The following C3orf20 variants were observed in gnomAD, a reference collection of about 807,000 sequenced individuals.
C3orf20 encodes family with sequence similarity 149 member C, also known as uncharacterized protein C3orf20.
A neutral mutation model predicts 88.3 loss-of-function variants in C3orf20; 76 were observed. The observed-to-expected ratio is 0.86, with a 90% CI of 0.72 to 1.04. The LOEUF (loss-of-function observed/expected upper bound fraction) is 1.04, where lower values mean the gene tolerates loss of function less well. Among genes scored for constraint, C3orf20 ranks in the 50% least tolerant of loss-of-function variants. C3orf20 has a pLI of 0.00. For missense variants in C3orf20, 1,056 were observed against 1,123.3 expected, an observed-to-expected ratio of 0.94 and a Z score of 0.86; for synonymous variants, 436 against 437.4, an observed-to-expected ratio of 1.00 and a Z score of 0.04.
chr3:14,710,151 A>C (rs7644603), intron 7 of C3orf20, among the ~76,000 whole-genome samples: 2 of 151,550 alleles, frequency 1.3e-5, no homozygotes, highest in Non-Finnish European at 2.9e-5. Flanking sequence ...TATGGTGTAC[A>C]GCTATTCATA....
chr3:14,724,629 T>C (rs1273666212), intron 10 of C3orf20, among the ~76,000 whole-genome samples: 2 of 152,366 alleles, frequency 1.3e-5, no homozygotes, highest in South Asian at 2.1e-4. Flanking sequence ...TTAGTGTGAA[T>C]TGAGAATGTA....
intron 1 of C3orf20, among the ~76,000 whole-genome samples, chr3:14,678,970 G>A (rs6442467): frequency 0.83 from 125,884 of 152,154 alleles, 52,870 homozygotes; most frequent in Non-Finnish European, 0.91. Flanking sequence ...TTCATCTGCT[G>A]CTCTCCCACG....
intron 7 of C3orf20, among the ~76,000 whole-genome samples, chr3:14,713,762 G>A (rs1314037118): frequency 6.6e-6 from 1 of 152,198 alleles, no homozygotes; most frequent in South Asian, 2.1e-4. Context: ...ATCTGTGAGA[G>A]GAAGATAATA....
At chr3:14,763,790 T>C (rs566775281) in intron 15 of C3orf20, among the ~76,000 whole-genome samples, 1 of 152,236 alleles carries the variant, frequency 6.6e-6, no homozygotes, top group South Asian at 2.1e-4. Context: ...AGTCAGCACA[T>C]GGGAAGTGCT....
chr3:14,686,925 T>C (rs1041340152), intron 4 of C3orf20, among the ~76,000 whole-genome samples: 26 of 152,320 alleles, frequency 1.7e-4, no homozygotes, highest in Admixed American at 9.1e-4. Context: ...ACACATACAG[T>C]GCAAATAAAT....
chr3:14,680,067 A>C (rs1425329975), intron 1 of C3orf20, among the ~76,000 whole-genome samples: 1 of 152,202 alleles, frequency 6.6e-6, no homozygotes, highest in Non-Finnish European at 1.5e-5. Flanking sequence ...CACTGGTGGG[A>C]CTGTGAAATG....
chr3:14,684,936 C>T (rs985272996), intron 4 of C3orf20, among the ~76,000 whole-genome samples: 1 of 152,182 alleles, frequency 6.6e-6, no homozygotes, highest in African/African-American at 2.4e-5. Context: ...GTAATCCCAG[C>T]ACTTTGGGAG....
At position 14,704,541 on chromosome 3, in the gene C3orf20, G is replaced by A; in HGVS notation, c.1083G>A (p.Gln361=). Residue 361 remains glutamine (Q), a synonymous_variant, in exon 7 of 17, where the codon CAG becomes CAA. Transcript: ENST00000253697. ...CTTCTGCCAACCATCATTTCAGTCA[G>A]CATTGTCAAGAGGGGAAGGCACCCA... ...HPSSANHHFS[Q]HCQEGKAPKK... 1 of 1,614,072 alleles carries A rather than the reference G, an allele frequency of 6.2e-7. No homozygotes were observed.
In C3orf20 at chr3:14,772,160, G is replaced by A. The variant is rs1245956835; in HGVS notation, c.2589G>A (p.Leu863=). Residue 863 remains leucine, a synonymous_variant, in exon 16 of 17, where the codon CTG becomes CTA. Transcript: ENST00000253697. This position sits in a 1 kb window ranked among gnomAD's most constrained non-coding sequence, Gnocchi z 4.2. ...AAGGAAGCAGCTCCTCATTGGCCCT[G>A]GAAGACTATGTGGAGAAGGAGTTAT... ...DIQGSSSSLA[L]EDYVEKELSL... is the part of the protein sequence containing the mutation. 1.2e-6 allele frequency: 2 copies of A among 1,614,224 alleles called. No homozygotes were observed. The highest frequency in any genetic ancestry group is 1.7e-6 in the Non-Finnish European group (2 of 1,180,032).
At chr3:14,707,037 C>T (rs1173315945) in intron 7 of C3orf20, among the ~76,000 whole-genome samples, 1 of 151,942 alleles carries the variant, frequency 6.6e-6, no homozygotes. Context: ...ATCACGAGGT[C>T]AGGAGATCGA....
chr3:14,771,963 A>C, intron 15 of C3orf20, 104 bp from the exon 16 acceptor site: 1 of 1,426,752 alleles, frequency 7.0e-7, no homozygotes, highest in Non-Finnish European at 9.6e-7. Context: ...TCAGGAGGAG[A>C]AGCACTTGTG....
intron 7 of C3orf20, among the ~76,000 whole-genome samples, chr3:14,712,220 G>A (rs976975807): frequency 2.0e-5 from 3 of 150,156 alleles, no homozygotes; most frequent in African/African-American, 4.9e-5. Flanking sequence ...ACACACAGAA[G>A]AAAGCTATGT....
chr3:14,686,085 C>T (rs2032413994), intron 4 of C3orf20, among the ~76,000 whole-genome samples: 1 of 152,104 alleles, frequency 6.6e-6, no homozygotes, highest in East Asian at 1.9e-4. Flanking sequence ...TGGTCTCGAT[C>T]TCTTGACCTT....
chr3:14,764,629 A>G (rs1319682845), intron 15 of C3orf20, among the ~76,000 whole-genome samples: 1 of 151,942 alleles, frequency 6.6e-6, no homozygotes, highest in Non-Finnish European at 1.5e-5. Flanking sequence ...TACAGTCAGA[A>G]GTTGTCTGGG....
chr3:14,730,410 G>A (rs2034501677), intron 12 of C3orf20, among the ~76,000 whole-genome samples: 1 of 152,070 alleles, frequency 6.6e-6, no homozygotes, highest in African/African-American at 2.4e-5. Flanking sequence ...AGCCGGGTGT[G>A]GTGGTGGGCG....
At chr3:14,691,093 GCTAA>G (rs938205918) in intron 5 of C3orf20, among the ~76,000 whole-genome samples, 8 of 152,332 alleles carry the variant, frequency 5.3e-5, no homozygotes, top group African/African-American at 1.9e-4. Context: ...TTGAACACTT[GCTAA>G]CTGTCAGTCT....
chr3:14,707,396 G>A (rs996713237), intron 7 of C3orf20, among the ~76,000 whole-genome samples: 1 of 151,328 alleles, frequency 6.6e-6, no homozygotes, highest in African/African-American at 2.4e-5. Context: ...ATCTCACTGT[G>A]GTTTTAACTT....
rs571439993 is a variant in C3orf20, at chr3:14,701,357, C to A, written c.746-1773C>A. ...AATGCCCCCACCCAAAGCCAGGTTT[C>A]ATCCTCAAATCCAAGGTGAAGTTAA... On this transcript the variant is annotated intron_variant, in intron 5 of 16. Coordinates refer to ENST00000253697, the MANE Select transcript of C3orf20 (RefSeq NM_032137.5). This position sits in a 1 kb window ranked among gnomAD's most constrained non-coding sequence, Gnocchi z 4.6. Among the ~76,000 whole-genome samples, 2 of 152,178 alleles carry A rather than the reference C, an allele frequency of 1.3e-5. No homozygotes were observed. Among genetic ancestry groups the A allele is most frequent in the Non-Finnish European group, 2.9e-5 (2 of 68,038 alleles).
intron 1 of C3orf20, among the ~76,000 whole-genome samples, chr3:14,678,763 G>C (rs2031925358): frequency 6.6e-6 from 1 of 152,176 alleles, no homozygotes; most frequent in African/African-American, 2.4e-5. Context: ...GCTGGGCTTA[G>C]CATTGTAGAG....
Sources: allele counts gnomAD v4.1 joint callset (sites outside exome capture counted in the v4.1 genomes callset), GRCh38; gene constraint gnomAD v4.1.1; non-coding constraint Gnocchi (gnomAD v3.1); transcripts MANE v1.5; gene names NCBI Gene and HGNC (gene_info 2026-07-23, HGNC 2026-07-21).